The following MRPL44 variants were observed in gnomAD, a reference collection of about 807,000 sequenced individuals.
MRPL44 encodes the protein large ribosomal subunit protein mL44.
In MRPL44, 21 loss-of-function variants were observed where a neutral mutation model predicts 25.9. The ratio of observed to expected loss-of-function variants is 0.81; its 90% CI spans 0.58 to 1.17. MRPL44 has a LOEUF of 1.17. MRPL44 is among the 50% of genes most tolerant of loss of function. The probability of loss-of-function intolerance (pLI) is 0.00; values close to 1 mark genes in which losing one functional copy is unlikely to be tolerated. For synonymous variants in MRPL44, 169 were observed against 151.0 expected (o/e 1.12, Z -0.87); for missense variants, 410 against 398.9 (o/e 1.03, Z -0.24).
At chr2:223,954,565 G>C (rs1689536840), upstream of MRPL44, among the ~76,000 whole-genome samples, 1 of 152,214 alleles carries the variant, frequency 6.6e-6, no homozygotes, top group Admixed American at 6.5e-5. Flanking sequence ...TTCTAAGACA[G>C]CTCATTCATT....
At chr2:223,958,712 G>A (rs377650568) in intron 1 of MRPL44, among the ~76,000 whole-genome samples, 2 of 152,236 alleles carry the variant, frequency 1.3e-5, no homozygotes, top group South Asian at 4.1e-4. Flanking sequence ...GATGTGCATA[G>A]GTTATATGCA....
upstream of MRPL44, among the ~76,000 whole-genome samples, chr2:223,956,751 C>G (rs931483703): frequency 2.0e-5 from 3 of 152,162 alleles, no homozygotes; most frequent in Non-Finnish European, 1.5e-5. Flanking sequence ...CCCTTTGTGA[C>G]TTAATATGTT....
At position 223,961,970 on chromosome 2, in the gene MRPL44, A is replaced by G. The variant is rs564206071; in HGVS notation, c.649-1786A>G. On this transcript the variant is annotated intron_variant, in intron 2 of 3. Coordinates refer to ENST00000258383, the MANE Select transcript of MRPL44 (RefSeq NM_022915.5). ...TTCAGTGATTTTTATATATGTGTAT[A>G]TACGTATCCCATAAGGCATATCTAC... is the stretch of plus-strand genomic sequence containing the variant. Among the ~76,000 whole-genome samples the G allele has an allele frequency of 5.3e-5, 8 of 152,338 alleles. No homozygotes were observed. In the East Asian group the frequency reaches 1.5e-3, roughly 29 times the overall value.
upstream of MRPL44, among the ~76,000 whole-genome samples, chr2:223,954,967 T>C (rs1208490084): frequency 6.6e-6 from 1 of 152,266 alleles, no homozygotes; most frequent in Non-Finnish European, 1.5e-5. Context: ...GAAAATGTTT[T>C]CTGGAATAAG....
intron 3 of MRPL44, among the ~76,000 whole-genome samples, chr2:223,964,775 A>G (rs1162203789): frequency 6.6e-6 from 1 of 152,170 alleles, no homozygotes; most frequent in Non-Finnish European, 1.5e-5. Context: ...TGGTATTTCA[A>G]CTTTGGGTTG....
rs553059513 is a variant in MRPL44 at position 223,967,185 on chromosome 2, G to C, written c.*151G>C. ...CCAAAATTAAATAAGTGTTAACCAA[G>C]TCACAGTGTTTTTGGTTTTGTTTTT... On this transcript the variant is annotated 3_prime_UTR_variant, in exon 4 of 4. Transcript: ENST00000258383. The C allele has an allele frequency of 1.8e-5, 14 of 757,474 alleles. No homozygotes were observed. The East Asian group carries it at 4.1e-4, about 22-fold the overall frequency. 46.9% of individuals were successfully genotyped at this position (757,474 alleles called of 1,614,324 possible).
At chr2:223,956,256 T>C (rs1689562076), upstream of MRPL44, among the ~76,000 whole-genome samples, 1 of 152,222 alleles carries the variant, frequency 6.6e-6, no homozygotes, top group African/African-American at 2.4e-5. Flanking sequence ...TTTTGGTGTG[T>C]GCTCAGCCCC....
At position 223,957,481 on chromosome 2, in the gene MRPL44, C is replaced by T. The variant is rs1280072175; in HGVS notation, c.9C>T (p.Ser3=). 6 of 1,614,040 alleles carry T rather than the reference C, an allele frequency of 3.7e-6. No individual in the cohort carries two copies. The highest frequency in any genetic ancestry group is 3.3e-5 in the Admixed American group (2 of 60,014). The change falls in exon 1 of 4, where the codon TCC becomes TCT. Residue 3 remains serine (S), a synonymous_variant. Coordinates refer to ENST00000258383, the MANE Select transcript of MRPL44 (RefSeq NM_022915.5). Reference sequence around the variant, plus strand: ...TCGTTTTCTCTCGTGCAATGGCGTCCGGGCTGGTAAGATTGCTGCAGCAGG... The same window carrying T: ...TCGTTTTCTCTCGTGCAATGGCGTCTGGGCTGGTAAGATTGCTGCAGCAGG... MA[S]GLVRLLQQGH... is the part of the protein sequence containing the mutation.
upstream of MRPL44, among the ~76,000 whole-genome samples, chr2:223,955,595 T>TC (rs1689553598): frequency 6.6e-6 from 1 of 152,182 alleles, no homozygotes; most frequent in South Asian, 2.1e-4. Context: ...AAGGTTGTGT[T>TC]CCCCAAGGGT....
chr2:223,962,123 C>T (rs1689670275), intron 2 of MRPL44, among the ~76,000 whole-genome samples: 1 of 152,098 alleles, frequency 6.6e-6, no homozygotes, highest in East Asian at 1.9e-4. Flanking sequence ...GCCTCGACTT[C>T]CTGTGCTCAA....
At chr2:223,951,479 T>G in the MRPL44 span, among the ~76,000 whole-genome samples, 4 of 71,192 alleles carry the variant, frequency 5.6e-5, no homozygotes, top group Admixed American at 1.5e-4. Flanking sequence ...TACCTTGGAG[T>G]TTTTTTTTTT....
chr2:223,957,334 T>G (rs946150554), upstream of MRPL44: 113 of 1,103,586 alleles, frequency 1.0e-4, 1 homozygote, highest in Admixed American at 4.1e-5. Flanking sequence ...CCCTGCCCTC[T>G]CTCAGTCGCC....
At chr2:223,954,063 G>T (rs969026505), upstream of MRPL44, among the ~76,000 whole-genome samples, 14 of 152,168 alleles carry the variant, frequency 9.2e-5, no homozygotes, top group African/African-American at 3.4e-4. Context: ...TCCTGAACTT[G>T]TTTCTCAAAA....
rs775732943 is a variant in MRPL44 at position 223,966,855 on chromosome 2, C to G, written c.828-8C>G. On this transcript the variant is annotated splice_polypyrimidine_tract_variant and splice_region_variant and intron_variant, in intron 3 of 3. Coordinates refer to ENST00000258383, the MANE Select transcript of MRPL44 (RefSeq NM_022915.5). ...GTAATTTAAGACTACTGTTTGTTCT[C>G]TTTCTAGTGATAAAAAGTTGATTGC... The G allele has an allele frequency of 1.2e-6, 2 of 1,610,714 alleles. No homozygotes were observed. The highest frequency in any genetic ancestry group is 1.7e-4 in the Middle Eastern group (1 of 6,030).
chr2:223,957,736 G>A, intron 1 of MRPL44, 85 bp downstream of exon 1: 1 of 1,430,222 alleles, frequency 7.0e-7, no homozygotes, highest in Non-Finnish European at 9.4e-7. Context: ...TGCGGCTGAT[G>A]CGCCCCTGGG....
chr2:223,966,276 A>G (rs1326843892), intron 3 of MRPL44, among the ~76,000 whole-genome samples: 1 of 152,014 alleles, frequency 6.6e-6, no homozygotes, highest in Non-Finnish European at 1.5e-5. Context: ...TGCCCAGCCT[A>G]AAGTTCTTAA....
upstream of MRPL44, among the ~76,000 whole-genome samples, chr2:223,952,598 A>G (rs555207208): frequency 1.5e-4 from 23 of 152,342 alleles, no homozygotes; most frequent in African/African-American, 5.5e-4. Flanking sequence ...AGTTTGGACT[A>G]AAGCCTCCGT....
chr2:223,956,585 G>A (rs1249077098), upstream of MRPL44, among the ~76,000 whole-genome samples: 3 of 152,188 alleles, frequency 2.0e-5, no homozygotes, highest in Admixed American at 1.3e-4. Flanking sequence ...CGAAGAGGGG[G>A]TTTGTCGAAA....
At chr2:223,958,732 A>G (rs1473233541) in intron 1 of MRPL44, among the ~76,000 whole-genome samples, 1 of 152,232 alleles carries the variant, frequency 6.6e-6, no homozygotes, top group South Asian at 2.1e-4. Context: ...AGATACAGGT[A>G]TACCTCATAC....
Sources: gnomAD v4.1 joint callset for allele counts (sites outside exome capture counted in the v4.1 genomes callset) on GRCh38, gnomAD v4.1.1 for gene constraint, MANE v1.5 for transcripts, NCBI Gene and HGNC (gene_info 2026-07-23, HGNC 2026-07-21) for gene names.